Variants in PCNX1 observed in about 807,000 individuals in gnomAD.
PCNX1 encodes pecanex 1, also known as pecanex-like protein 1.
A neutral mutation model predicts 242.2 loss-of-function variants in PCNX1; 78 were observed. The observed-to-expected ratio is 0.32, with a 90% CI of 0.27 to 0.39. The LOEUF is 0.39. Ranked by LOEUF, PCNX1 falls within the 10% of genes least tolerant of loss-of-function variation. The pLI is 1.00. For missense variants in PCNX1, 2,581 were observed against 2,856.5 expected, an observed-to-expected ratio of 0.90 and a Z score of 2.20; for synonymous variants, 1,024 against 1,032.9, an observed-to-expected ratio of 0.99 and a Z score of 0.17.
chr14:71,003,820 G>T (rs961255715), intron 8 of PCNX1, among the ~76,000 whole-genome samples: 3 of 152,130 alleles, frequency 2.0e-5, no homozygotes, highest in African/African-American at 7.2e-5. Context: ...TTCCTTACCA[G>T]TCCCCAAAGC....
intron 32 of PCNX1, 151 bp downstream of exon 32, chr14:71,103,820 T>C (rs926996267): frequency 1.1e-5 from 7 of 636,770 alleles, no homozygotes; most frequent in Non-Finnish European, 1.9e-5. Flanking sequence ...AAGTAGAATC[T>C]GAGCATTCTT....
In PCNX1 at chr14:70,977,335, C is replaced by T; in HGVS notation, c.998C>T (p.Ser333Phe). 1 of 1,614,152 alleles carries T rather than the reference C, an allele frequency of 6.2e-7. No individual in the cohort carries two copies. The highest frequency in any genetic ancestry group is 1.1e-5 in the South Asian group (1 of 91,082). ...SGSKESLVEN[S>F]GLSGEFQLAG... ...TCCAAAGAATCCTTGGTGGAAAATT[C>T]TGGTTTATCTGGGGAATTTCAGCTT... is the stretch of plus-strand genomic sequence containing the variant. The change falls in exon 6 of 36, where the codon TCT becomes TTT. Residue 333 changes from serine to phenylalanine, a missense_variant. By Grantham distance (155) the Ser-to-Phe change is radical. Coordinates refer to ENST00000304743, the MANE Select transcript of PCNX1 (RefSeq NM_014982.3).
chr14:71,072,763 CATT>C (rs1418310645), intron 26 of PCNX1, among the ~76,000 whole-genome samples: 2 of 152,098 alleles, frequency 1.3e-5, no homozygotes, highest in African/African-American at 4.8e-5. Flanking sequence ...TAAAAATTAA[CATT>C]AGTGTAACAG....
intron 25 of PCNX1, among the ~76,000 whole-genome samples, chr14:71,056,880 T>C (rs2061196828): frequency 6.6e-6 from 1 of 152,064 alleles, no homozygotes; most frequent in African/African-American, 2.4e-5. Flanking sequence ...GGTTTTGCCA[T>C]GTTGGCCCAG....
rs371315640 is a variant in PCNX1 at position 70,995,733 on chromosome 14, T to C, written c.2445-8T>C. ...TGTAATGTCTCCCCAATCCATGTTT[T>C]TTCCTAGCCTTCAAGATGGTCAGCA... On this transcript the variant is annotated splice_polypyrimidine_tract_variant and splice_region_variant and intron_variant, in intron 7 of 35. Transcript: ENST00000304743. 1 of 1,613,398 alleles carries C rather than the reference T, an allele frequency of 6.2e-7. No homozygotes were observed. The highest frequency in any genetic ancestry group is 1.3e-5 in the African/African-American group (1 of 75,032).
At chr14:71,100,459 A>G (rs1566804248) in intron 30 of PCNX1, among the ~76,000 whole-genome samples, 1 of 152,196 alleles carries the variant, frequency 6.6e-6, no homozygotes, top group Non-Finnish European at 1.5e-5. Context: ...TGAGAAGTTT[A>G]CTATTAACCT....
chr14:70,946,930 A>G lies in PCNX1; in HGVS notation c.169A>G (p.Met57Val), dbSNP rs543240522. ...FTLYMALPST[M>V]IIVAVYCPVI... The stretch of plus-strand genomic sequence containing the variant: ...TCTCTTAAAGGCCCTTCCTTCTACC[A>G]TGATTATAGTAGCAGTTTATTGTCC... Residue 57 changes from methionine (M) to valine (V), a missense_variant, in exon 2 of 36, where the codon ATG (methionine) becomes GTG (valine). This residue lies in a region of PCNX1 where 1,204 missense variants were observed against 1,216.7 expected (regional missense o/e 0.99). Coordinates refer to ENST00000304743, the MANE Select transcript of PCNX1 (RefSeq NM_014982.3). 10 of 1,611,428 alleles carry G rather than the reference A, an allele frequency of 6.2e-6. No individual in the cohort carries two copies. The highest frequency in any genetic ancestry group is 5.0e-5 in the Admixed American group (3 of 60,000).
intron 22 of PCNX1, 45 bp from the exon 23 acceptor site, chr14:71,050,607 T>C (rs762851918): frequency 1.2e-5 from 18 of 1,507,284 alleles, no homozygotes; most frequent in Non-Finnish European, 1.6e-5. Flanking sequence ...AAATATCTGA[T>C]AAGTTTTTTT....
chr14:71,107,167 C>T (rs1036165928), intron 33 of PCNX1, among the ~76,000 whole-genome samples: 4 of 152,026 alleles, frequency 2.6e-5, no homozygotes, highest in African/African-American at 9.7e-5. Flanking sequence ...TGATCCTCTC[C>T]CCAACTGCCC....
intron 8 of PCNX1, among the ~76,000 whole-genome samples, chr14:71,005,978 G>A (rs2059648033): frequency 6.7e-6 from 1 of 149,756 alleles, no homozygotes; most frequent in African/African-American, 2.5e-5. Context: ...GCTGGAGGGC[G>A]GTGGCATGAA....
chr14:71,003,367 G>A lies in PCNX1; in HGVS notation c.2630-6267G>A, dbSNP rs923768640. On this transcript the variant is annotated intron_variant, in intron 8 of 35. Transcript: ENST00000304743. ...CGGCCCCCCAAAGCGCTGGGATTAC[G>A]GGCATGAGCCACTGCGCCCAGCCTG... is the stretch of plus-strand genomic sequence containing the variant. Among the ~76,000 whole-genome samples the A allele has an allele frequency of 1.5e-4, 23 of 152,084 alleles. 1 individual carries two copies. The East Asian group carries it at 1.5e-3, about 10-fold the overall frequency.
intron 5 of PCNX1, among the ~76,000 whole-genome samples, chr14:70,974,705 A>G (rs1257379721): frequency 1.3e-5 from 2 of 152,230 alleles, no homozygotes; most frequent in Non-Finnish European, 2.9e-5. Flanking sequence ...CCATATTGCC[A>G]GATTGCTTTA....
intron 26 of PCNX1, among the ~76,000 whole-genome samples, chr14:71,058,774 G>A (rs1195704577): frequency 2.6e-5 from 4 of 152,152 alleles, no homozygotes; most frequent in Non-Finnish European, 4.4e-5. Context: ...AAATTAATGC[G>A]GAGTAAATGT....
rs374898478 is a variant in PCNX1 at position 71,034,954 on chromosome 14, G to T, written c.3774+918G>T. On this transcript the variant is annotated intron_variant, in intron 18 of 35. Coordinates refer to ENST00000304743, the MANE Select transcript of PCNX1 (RefSeq NM_014982.3). ...TCTGGTTTTTCTATGACCACTGATG[G>T]AACCAAAATCTAATAAGTAAAATAG... Among the ~76,000 whole-genome samples the T allele has an allele frequency of 3.6e-3, 547 of 152,260 alleles. 1 individual carries two copies. The highest frequency in any genetic ancestry group is 0.013 in the African/African-American group (530 of 41,548).
intron 2 of PCNX1, among the ~76,000 whole-genome samples, chr14:70,954,132 ATCTCTGATTTACCCAGTATT>A (rs1451839050): frequency 6.6e-6 from 1 of 152,104 alleles, no homozygotes; most frequent in Non-Finnish European, 1.5e-5. Context: ...TTCTTTATGA[ATCTCTGATTTACCCAGTATT>A]TGTTAAGTGG....
intron 30 of PCNX1, among the ~76,000 whole-genome samples, chr14:71,097,113 C>T (rs553597519): frequency 6.6e-6 from 1 of 152,198 alleles, no homozygotes; most frequent in South Asian, 2.1e-4. Flanking sequence ...GGCCTCTATC[C>T]ACAGCCATAT....
intron 16 of PCNX1, 51 bp from the exon 17 acceptor site, chr14:71,033,378 A>C (rs965592315): frequency 2.2e-6 from 2 of 898,094 alleles, no homozygotes; most frequent in Middle Eastern, 2.2e-4. Flanking sequence ...GGATTATGTG[A>C]TATATTACAA....
chr14:71,008,536 G>T (rs2059730344), intron 8 of PCNX1, among the ~76,000 whole-genome samples: 1 of 151,566 alleles, frequency 6.6e-6, no homozygotes, highest in African/African-American at 2.4e-5. Flanking sequence ...GGCGCCTGTA[G>T]TCCCAGCTAC....
chr14:70,998,384 A>T lies in PCNX1; in HGVS notation c.2629+2459A>T, dbSNP rs558033556. 9.8e-5 allele frequency among the ~76,000 whole-genome samples: 15 copies of T among 152,306 alleles called. No individual in the cohort carries two copies. The South Asian group carries it at 1.7e-3, about 17-fold the overall frequency. On this transcript the variant is annotated intron_variant, in intron 8 of 35. Transcript: ENST00000304743. The stretch of plus-strand genomic sequence containing the variant: ...AAACAGAGGAAAAAGTACTTGTATC[A>T]TCTGTATTCAGCAAGCAAAATTGTT...
Sources: gnomAD v4.1 joint callset for allele counts (sites outside exome capture counted in the v4.1 genomes callset) on GRCh38, gnomAD v4.1.1 for gene constraint, gnomAD v4.1.1 regional missense constraint, MANE v1.5 for transcripts, NCBI Gene and HGNC (gene_info 2026-07-23, HGNC 2026-07-21) for gene names.